The following STAU2 variants were observed in gnomAD, a reference collection of about 807,000 sequenced individuals.
STAU2 encodes staufen double-stranded RNA binding protein 2.
In STAU2, 20 loss-of-function variants were observed where a neutral mutation model predicts 65.9. That is an observed-to-expected ratio of 0.30 (90% CI 0.21 to 0.44). STAU2 has a LOEUF of 0.44. STAU2 is among the 20% of genes least tolerant of loss of function. The pLI is 1.00. For missense variants in STAU2, 558 were observed against 683.9 expected, an observed-to-expected ratio of 0.82 and a Z score of 2.05; for synonymous variants, 232 against 233.9, an observed-to-expected ratio of 0.99 and a Z score of 0.07.
At chr8:73,575,006 A>C (rs1809420042) in intron 12 of STAU2, among the ~76,000 whole-genome samples, 1 of 151,640 alleles carries the variant, frequency 6.6e-6, no homozygotes, top group Non-Finnish European at 1.5e-5. Flanking sequence ...CACATGCTAT[A>C]AAAGAAAAGA....
At chr8:73,733,705 A>G (rs1806233458) in intron 3 of STAU2, among the ~76,000 whole-genome samples, 1 of 152,228 alleles carries the variant, frequency 6.6e-6, no homozygotes. Flanking sequence ...GCAAAACACG[A>G]AAGAACAAAA....
chr8:73,671,021 T>C (rs1388396903), intron 6 of STAU2, among the ~76,000 whole-genome samples: 1 of 151,882 alleles, frequency 6.6e-6, no homozygotes, highest in East Asian at 1.9e-4. Flanking sequence ...TGAAAACTGG[T>C]GAAGCAATGG....
chr8:73,565,870 C>T (rs948071957), intron 12 of STAU2, among the ~76,000 whole-genome samples: 1 of 152,150 alleles, frequency 6.6e-6, no homozygotes, highest in African/African-American at 2.4e-5. Context: ...TATGATAAAA[C>T]TGATTTCGTT....
chr8:73,561,094 A>G (rs539197848), intron 12 of STAU2, among the ~76,000 whole-genome samples: 91 of 152,290 alleles, frequency 6.0e-4, no homozygotes, highest in African/African-American at 2.0e-3. Context: ...CATGCAAATC[A>G]AAGAACAGTC....
At chr8:73,693,015 T>C (rs59162309) in intron 4 of STAU2, among the ~76,000 whole-genome samples, 28,995 of 151,422 alleles carry the variant, frequency 0.19, 3,010 homozygotes, top group East Asian at 0.36. Context: ...TAAAAAATTA[T>C]CCAGGCATGG....
chr8:73,425,569 C>G (rs921463453), intron 13 of STAU2, among the ~76,000 whole-genome samples: 7 of 152,140 alleles, frequency 4.6e-5, no homozygotes, highest in African/African-American at 1.7e-4. Flanking sequence ...ACTACAGCAG[C>G]TCCAGCAAAC....
chr8:73,729,356 G>A (rs552059548), intron 3 of STAU2, among the ~76,000 whole-genome samples: 19 of 152,220 alleles, frequency 1.2e-4, no homozygotes, highest in African/African-American at 4.1e-4. Flanking sequence ...AGGAATATTG[G>A]TCTGTAATTT....
At chr8:73,634,245 C>T (rs534231863) in intron 6 of STAU2, among the ~76,000 whole-genome samples, 3 of 152,210 alleles carry the variant, frequency 2.0e-5, no homozygotes, top group South Asian at 2.1e-4. Flanking sequence ...ATCAGCAAAA[C>T]GGTTTTTATT....
chr8:73,619,622 G>C (rs1813083670), intron 6 of STAU2, among the ~76,000 whole-genome samples: 1 of 152,190 alleles, frequency 6.6e-6, no homozygotes, highest in Admixed American at 6.5e-5. Flanking sequence ...TGAAGATGCA[G>C]ATTTGTGAGG....
At chr8:73,653,164 T>C (rs1358336500) in intron 6 of STAU2, 1 of 152,142 alleles carries the variant, frequency 6.6e-6, no homozygotes, top group Admixed American at 6.5e-5. Context: ...ATTTGGAAAG[T>C]AACTAAAAGC....
At chr8:73,426,278 A>G (rs920487359) in intron 13 of STAU2, among the ~76,000 whole-genome samples, 3 of 152,154 alleles carry the variant, frequency 2.0e-5, no homozygotes, top group Non-Finnish European at 4.4e-5. Context: ...TAGTACATCA[A>G]TCATCTCAAA....
At position 73,466,934 on chromosome 8, in the gene STAU2, C is replaced by T. The variant is rs56917327; in HGVS notation, c.1531-44232G>A. Among the ~76,000 whole-genome samples, 1,400 of 152,338 alleles carry T rather than the reference C, an allele frequency of 9.2e-3. 24 individuals are homozygous for T. The highest frequency in any genetic ancestry group is 0.032 in the African/African-American group (1,318 of 41,574). On this transcript the variant is annotated intron_variant, in intron 13 of 14. Coordinates refer to ENST00000524300, the MANE Select transcript of STAU2 (RefSeq NM_001164380.2). ...CTACCAGGCCCACCATCCATTGTGC[C>T]CACCATGGCCTGTTAGTGCAGTCTC...
intron 13 of STAU2, among the ~76,000 whole-genome samples, chr8:73,460,501 G>A (rs1047710637): frequency 6.6e-6 from 1 of 152,210 alleles, no homozygotes; most frequent in African/African-American, 2.4e-5. Context: ...CCTGGAAATT[G>A]ATGTGAGTAC....
chr8:73,654,637 C>CAAAAAAAAAAAAAAAA (rs71269928), intron 6 of STAU2, among the ~76,000 whole-genome samples: 1,103 of 26,224 alleles, frequency 0.042, 203 homozygotes, highest in Middle Eastern at 0.17. Flanking sequence ...AAGATTGTCT[C>CAAAAAAAAAAAAAAAA]AAAAAAAAAA....
chr8:73,504,785 C>A (rs1383829838), intron 13 of STAU2, among the ~76,000 whole-genome samples: 3 of 151,642 alleles, frequency 2.0e-5, no homozygotes, highest in Non-Finnish European at 4.4e-5. Context: ...TAAATAATTT[C>A]TCCAAATTGG....
chr8:73,460,797 G>A (rs1261591580), intron 13 of STAU2, among the ~76,000 whole-genome samples: 1 of 152,162 alleles, frequency 6.6e-6, no homozygotes, highest in African/African-American at 2.4e-5. Context: ...AAGTCACAAG[G>A]AGCTCTAAGA....
At chr8:73,560,663 C>T (rs1402109476) in intron 12 of STAU2, among the ~76,000 whole-genome samples, 1 of 152,102 alleles carries the variant, frequency 6.6e-6, no homozygotes, top group African/African-American at 2.4e-5. Flanking sequence ...GTCTTGCCCC[C>T]AAAAAGGCAG....
At chr8:73,640,742 C>T (rs902602735) in intron 6 of STAU2, among the ~76,000 whole-genome samples, 2 of 152,062 alleles carry the variant, frequency 1.3e-5, no homozygotes, top group African/African-American at 2.4e-5. Flanking sequence ...GACTGCCAAC[C>T]CCTGCCTCAT....
intron 11 of STAU2, among the ~76,000 whole-genome samples, chr8:73,591,430 T>C (rs1228261279): frequency 6.6e-6 from 1 of 151,988 alleles, no homozygotes; most frequent in African/African-American, 2.4e-5. Context: ...AGGGCAAAGT[T>C]TGTCAAATTA....
Sources: gnomAD v4.1 joint callset for allele counts (sites outside exome capture counted in the v4.1 genomes callset) on GRCh38, gnomAD v4.1.1 for gene constraint, MANE v1.5 for transcripts, NCBI Gene and HGNC (gene_info 2026-07-23, HGNC 2026-07-21) for gene names.